KRTAP4-11: variants seen among roughly 807,000 people sequenced by gnomAD.
KRTAP4-11 encodes keratin-associated protein 4-11.
A neutral mutation model predicts 3.4 loss-of-function variants in KRTAP4-11; 3 were observed. That is an observed-to-expected ratio of 0.87 (90% CI 0.40 to 2.26). KRTAP4-11 has a LOEUF of 2.26. Among genes scored for constraint, KRTAP4-11 ranks in the 30% most tolerant of loss-of-function variants. The pLI is 0.05. For synonymous variants in KRTAP4-11, 94 were observed against 89.4 expected, an observed-to-expected ratio of 1.05 and a Z score of -0.29; for missense variants, 248 against 258.8, an observed-to-expected ratio of 0.96 and a Z score of 0.29.
Position 41,118,015 on chromosome 17 carries a change from G to C in KRTAP4-11, c.301C>G (p.Arg101Gly). 1 of 1,474,290 alleles carries C rather than the reference G, an allele frequency of 6.8e-7. No individual in the cohort carries two copies. Among genetic ancestry groups the C allele is most frequent in the Non-Finnish European group, 9.1e-7 (1 of 1,101,474 alleles). 91.3% of individuals were successfully genotyped at this position (1,474,290 alleles called of 1,614,324 possible). The change falls in exon 1 of 1, where the codon CGC (arginine) becomes GGC (glycine). Residue 101 changes from arginine (R) to glycine (G), a missense_variant. Physicochemically the swap from Arg to Gly is moderately radical, Grantham distance 125. Around this residue, in one of 3 missense-constraint regions of KRTAP4-11, gnomAD observed 131 missense variants for 130.2 expected, o/e 1.01. Coordinates refer to ENST00000391413, the MANE Select transcript of KRTAP4-11 (RefSeq NM_033059.4). ...QSMCCQPTCC[R>G]PRCCISSCCR... Reference sequence around the variant, plus strand: ...CAGCTGGAGATGCAGCATCTGGGGCGGCAGCAAGTGGGCTGGCAGCACATA... The same window carrying C: ...CAGCTGGAGATGCAGCATCTGGGGCCGCAGCAAGTGGGCTGGCAGCACATA...
Position 41,117,952 on chromosome 17 carries a change from G to T in KRTAP4-11, c.364C>A (p.Pro122Thr), listed in dbSNP as rs749844773. Residue 122 changes from proline (P) to threonine (T), a missense_variant, in exon 1 of 1, where the codon CCC becomes ACC. By Grantham distance (38) the Pro-to-Thr change is conservative. Transcript: ENST00000391413. ...CAGCACACAGACTGGCAGCACTGGGGTCTGCAGCAGCTGGACACACAGCAG... is the reference window on the plus strand; with the variant it reads ...CAGCACACAGACTGGCAGCACTGGGTTCTGCAGCAGCTGGACACACAGCAG... ...PSCCVSSCCR[P>T]QCCQSVCCQP... 17 of 1,530,928 alleles carry T rather than the reference G, an allele frequency of 1.1e-5. No individual in the cohort carries two copies. Among genetic ancestry groups the T allele is most frequent in the East Asian group, 4.7e-5 (2 of 42,118 alleles). The allele number at this position is 1,530,928 out of a possible 1,614,324, so 94.8% of individuals were successfully genotyped here. A position where few individuals can be genotyped will look rare whatever the true frequency, so the allele number is the denominator to read the frequency against.
At position 41,117,708 on chromosome 17, in the gene KRTAP4-11, G is replaced by C. The variant is rs1258825840; in HGVS notation, c.*20C>G. ...ACTGTGGGCCTGCAGTGAAGGGAGA[G>C]ATGAGCCAGGGCAGTGGGCTCAGCA... On this transcript the variant is annotated 3_prime_UTR_variant, in exon 1 of 1. Transcript: ENST00000391413. 1.3e-6 allele frequency: 2 copies of C among 1,560,872 alleles called. No homozygotes were observed. Among genetic ancestry groups the C allele is most frequent in the Admixed American group, 1.9e-5 (1 of 51,854 alleles).
In KRTAP4-11 at chr17:41,118,167, C is replaced by T. The variant is rs2014325249; in HGVS notation, c.149G>A (p.Cys50Tyr). The T allele has an allele frequency of 5.0e-6, 8 of 1,611,558 alleles. No homozygotes were observed. Among genetic ancestry groups the T allele is most frequent in the Non-Finnish European group, 6.8e-6 (8 of 1,178,380 alleles). ...CRPSCCVSSC[C>Y]RPQCCQSVCC... The stretch of plus-strand genomic sequence containing the variant: ...CACAGACTGGCAGCACTGGGGCCTG[C>T]AGCAGCTGGACACACAGCAGCTGGG... The change falls in exon 1 of 1, where the codon TGC (cysteine) becomes TAC (tyrosine). Residue 50 changes from cysteine to tyrosine, a missense_variant. Coordinates refer to ENST00000391413, the MANE Select transcript of KRTAP4-11 (RefSeq NM_033059.4).
In KRTAP4-11 at chr17:41,117,347, G is replaced by A. The variant is rs2014298677; in HGVS notation, c.*381C>T. ...AGCCTCCTACCTTTCCAAGAGAAAAGAATGACTGAAAGGCTGACAGACAAA... is the reference window on the plus strand; with the variant it reads ...AGCCTCCTACCTTTCCAAGAGAAAAAAATGACTGAAAGGCTGACAGACAAA... On this transcript the variant is annotated 3_prime_UTR_variant, in exon 1 of 1. Coordinates refer to ENST00000391413, the MANE Select transcript of KRTAP4-11 (RefSeq NM_033059.4). 3.7e-6 allele frequency: 1 copy of A among 267,726 alleles called. No homozygotes were observed. The highest frequency in any genetic ancestry group is 7.6e-5 in the East Asian group (1 of 13,220). 16.6% of individuals were successfully genotyped at this position (267,726 alleles called of 1,614,324 possible). A position where few individuals can be genotyped will look rare whatever the true frequency, so the allele number is the denominator to read the frequency against.
At position 41,117,573 on chromosome 17, in the gene KRTAP4-11, A is replaced by T. The variant is rs2014303520; in HGVS notation, c.*155T>A. The T allele has an allele frequency of 8.2e-7, 1 of 1,224,034 alleles. No individual in the cohort carries two copies. The highest frequency in any genetic ancestry group is 1.5e-5 in the African/African-American group (1 of 64,914). The allele number at this position is 1,224,034 out of a possible 1,614,324, so 75.8% of individuals were successfully genotyped here. A position where few individuals can be genotyped will look rare whatever the true frequency, so the allele number is the denominator to read the frequency against. ...TTAAAATGAACCAGAATGTTCTCAC[A>T]GAGTCAGTGGGATGGTGATGGGCTC... On this transcript the variant is annotated 3_prime_UTR_variant, in exon 1 of 1. Coordinates refer to ENST00000391413, the MANE Select transcript of KRTAP4-11 (RefSeq NM_033059.4).
Position 41,117,407 on chromosome 17 carries a change from C to A in KRTAP4-11, c.*321G>T. The A allele has an allele frequency of 2.1e-6, 1 of 477,442 alleles. No homozygotes were observed. Among genetic ancestry groups the A allele is most frequent in the Non-Finnish European group, 3.7e-6 (1 of 270,130 alleles). The allele number at this position is 477,442 out of a possible 1,614,324, so 29.6% of individuals were successfully genotyped here. A position where few individuals can be genotyped will look rare whatever the true frequency, so the allele number is the denominator to read the frequency against. On this transcript the variant is annotated 3_prime_UTR_variant, in exon 1 of 1. Transcript: ENST00000391413. The stretch of plus-strand genomic sequence containing the variant: ...TGAAATGGAGATAATGTGTACCTCA[C>A]TGGGAAGGATATTCTGTAGGCTCAA...
rs80129796 is a variant in KRTAP4-11 at position 41,117,768 on chromosome 17, C to T, written c.548G>A (p.Ser183Asn). ...GGCACAGCACAAGGGGCGGGGGCAG[C>T]TGGAGATGACACAGGTTGGGCGATA... ...TCYRPTCVISSCPRPLCCASS... is the reference protein window; with the variant it reads ...TCYRPTCVISNCPRPLCCASS... Residue 183 changes from serine (S) to asparagine (N), a missense_variant, in exon 1 of 1, where the codon AGC (serine) becomes AAC (asparagine). Transcript: ENST00000391413. 6.5e-7 allele frequency: 1 copy of T among 1,529,704 alleles called. No individual in the cohort carries two copies. Among genetic ancestry groups the T allele is most frequent in the Non-Finnish European group, 8.8e-7 (1 of 1,135,740 alleles). The allele number at this position is 1,529,704 out of a possible 1,614,324, so 94.8% of individuals were successfully genotyped here.
rs2014323640 is a variant in KRTAP4-11 at position 41,118,119 on chromosome 17, CGGCAGCAGGTGGGCT to C, written c.182_196del (p.Gln61_Cys65del). 1 of 1,572,146 alleles carries C rather than the reference CGGCAGCAGGTGGGCT, an allele frequency of 6.4e-7. No individual in the cohort carries two copies. The highest frequency in any genetic ancestry group is 1.5e-5 in the African/African-American group (1 of 66,292). On this transcript the variant is annotated inframe_deletion, in exon 1 of 1. Transcript: ENST00000391413. ...GCAGCTGGAGATGCAGCATCTGGGGCGGCAGCAGGTGGGCTGGCAGCACACAGACTGGCAGCACTG... is the reference window on the plus strand; with the variant it reads ...GCAGCTGGAGATGCAGCATCTGGGGCGGCAGCACACAGACTGGCAGCACTG...
At position 41,117,743 on chromosome 17, in the gene KRTAP4-11, G is replaced by A; in HGVS notation, c.573C>T (p.Ala191=). Residue 191 remains alanine, a synonymous_variant, in exon 1 of 1, where the codon GCC becomes GCT. Transcript: ENST00000391413. ...GGCAGTGGGCTCAGCAGCAAGAGGA[G>A]GCACAGCACAAGGGGCGGGGGCAGC... is the stretch of plus-strand genomic sequence containing the variant. The part of the protein sequence containing the change: ...ISSCPRPLCC[A]SSCC 1 of 1,584,344 alleles carries A rather than the reference G, an allele frequency of 6.3e-7. No homozygotes were observed. The highest frequency in any genetic ancestry group is 1.1e-5 in the South Asian group (1 of 87,406).
In KRTAP4-11 at chr17:41,117,696, A is replaced by C. The variant is rs766322572; in HGVS notation, c.*32T>G. 6.5e-7 allele frequency: 1 copy of C among 1,546,224 alleles called. No individual in the cohort carries two copies. The highest frequency in any genetic ancestry group is 8.7e-7 in the Non-Finnish European group (1 of 1,146,690). ...GAATGGTCTACAACTGTGGGCCTGC[A>C]GTGAAGGGAGAGATGAGCCAGGGCA... On this transcript the variant is annotated 3_prime_UTR_variant, in exon 1 of 1. Transcript: ENST00000391413.
rs751636884 is a variant in KRTAP4-11, at chr17:41,118,302, C to G, written c.14G>C (p.Cys5Ser). The G allele has an allele frequency of 1.2e-6, 2 of 1,603,546 alleles. No homozygotes were observed. The highest frequency in any genetic ancestry group is 1.7e-5 in the Admixed American group (1 of 59,650). The change falls in exon 1 of 1, where the codon TGT (cysteine) becomes TCT (serine). Residue 5 changes from cysteine to serine, a missense_variant. By Grantham distance (112) the Cys-to-Ser change is moderately radical (BLOSUM62 -1). Transcript: ENST00000391413. MVNS[C>S]CGSVCSHQGC... is the part of the protein sequence containing the mutation. ...TTGGTGAGAGCACACGGAGCCACAA[C>G]AGGAGTTTACCATGGTGTCAGAGGG...
rs754184825 is a variant in KRTAP4-11 at position 41,117,842 on chromosome 17, G to T, written c.474C>A (p.Cys158Ter). The T allele has an allele frequency of 6.8e-6, 11 of 1,608,228 alleles. No homozygotes were observed. In the South Asian group the frequency reaches 1.2e-4, roughly 18 times the overall value. ...SCCESSCCRPCCCLRPVCGRV... is the reference protein window; with the variant it reads ...SCCESSCCRP ...GGCCACAGACTGGACGCAGGCAGCA[G>T]CAGGGGCGGCAGCAGCTGGATTCAC... Residue 158 changes from cysteine to a stop codon, truncating the protein, a stop_gained, in exon 1 of 1, where the codon TGC becomes TGA. Transcript: ENST00000391413. LOFTEE classifies it high-confidence loss of function.
In KRTAP4-11 at chr17:41,118,101, G is replaced by A. The variant is rs58605568; in HGVS notation, c.215C>T (p.Ser72Phe). 13 of 1,584,872 alleles carry A rather than the reference G, an allele frequency of 8.2e-6. No individual in the cohort carries two copies. The highest frequency in any genetic ancestry group is 1.5e-5 in the African/African-American group (1 of 67,692). ...ACAGCAGCTGGGGCGACAGCAGCTG[G>A]AGATGCAGCATCTGGGGCGGCAGCA... ...PTCCRPRCCI[S>F]SCCRPSCCVS... The change falls in exon 1 of 1, where the codon TCC becomes TTC. Residue 72 changes from serine to phenylalanine, a missense_variant. Coordinates refer to ENST00000391413, the MANE Select transcript of KRTAP4-11 (RefSeq NM_033059.4).
Position 41,117,323 on chromosome 17 carries a change from G to C in KRTAP4-11, c.*405C>G. 1 of 230,132 alleles carries C rather than the reference G, an allele frequency of 4.3e-6. No individual in the cohort carries two copies. The highest frequency in any genetic ancestry group is 1.6e-3 in the Middle Eastern group (1 of 628). 14.3% of individuals were successfully genotyped at this position (230,132 alleles called of 1,614,324 possible). A position where few individuals can be genotyped will look rare whatever the true frequency, so the allele number is the denominator to read the frequency against. ...AAAGCAGGAGAGCATGGGAGGGGCA[G>C]CCTCCTACCTTTCCAAGAGAAAAGA... On this transcript the variant is annotated 3_prime_UTR_variant, in exon 1 of 1. Transcript: ENST00000391413.
Position 41,117,977 on chromosome 17 carries a change from G to A in KRTAP4-11, c.339C>T (p.Ser113=). The change falls in exon 1 of 1, where the codon AGC becomes AGT. Residue 113 remains serine, a synonymous_variant. Coordinates refer to ENST00000391413, the MANE Select transcript of KRTAP4-11 (RefSeq NM_033059.4). ...RCCISSCCRP[S]CCVSSCCRPQ... Reference sequence around the variant, plus strand: ...GTCTGCAGCAGCTGGACACACAGCAGCTGGGGCGACAGCAGCTGGAGATGC... The same window carrying A: ...GTCTGCAGCAGCTGGACACACAGCAACTGGGGCGACAGCAGCTGGAGATGC... The A allele has an allele frequency of 1.3e-6, 2 of 1,495,498 alleles. No homozygotes were observed. Among genetic ancestry groups the A allele is most frequent in the Non-Finnish European group, 1.8e-6 (2 of 1,112,918 alleles). The allele number at this position is 1,495,498 out of a possible 1,614,324, so 92.6% of individuals were successfully genotyped here.
In KRTAP4-11 at chr17:41,117,764, G is replaced by T; in HGVS notation, c.552C>A (p.Cys184Ter). 1 of 1,551,664 alleles carries T rather than the reference G, an allele frequency of 6.4e-7. No individual in the cohort carries two copies. The highest frequency in any genetic ancestry group is 8.7e-7 in the Non-Finnish European group (1 of 1,148,714). The change falls in exon 1 of 1, where the codon TGC becomes TGA. Residue 184 changes from cysteine (C) to a stop codon, truncating the protein, a stop_gained. Coordinates refer to ENST00000391413, the MANE Select transcript of KRTAP4-11 (RefSeq NM_033059.4). LOFTEE classifies it high-confidence loss of function. ...CYRPTCVISS[C>*]PRPLCCASSC... ...AGGAGGCACAGCACAAGGGGCGGGGGCAGCTGGAGATGACACAGGTTGGGC... is the reference window on the plus strand; with the variant it reads ...AGGAGGCACAGCACAAGGGGCGGGGTCAGCTGGAGATGACACAGGTTGGGC...
In KRTAP4-11 at chr17:41,117,920, G is replaced by A. The variant is rs1445805627; in HGVS notation, c.396C>T (p.Pro132=). ...TGCTGCAGCTGGGGTGGCAGCAGGT[G>A]GGCTGGCAGCACACAGACTGGCAGC... ...PQCCQSVCCQ[P]TCCHPSCSIS... The change falls in exon 1 of 1, where the codon CCC becomes CCT. Residue 132 remains proline (P), a synonymous_variant. Coordinates refer to ENST00000391413, the MANE Select transcript of KRTAP4-11 (RefSeq NM_033059.4). 1.9e-6 allele frequency: 3 copies of A among 1,602,100 alleles called. No individual in the cohort carries two copies. The highest frequency in any genetic ancestry group is 2.7e-5 in the African/African-American group (2 of 73,386).
In KRTAP4-11 at chr17:41,117,320, G is replaced by T; in HGVS notation, c.*408C>A. On this transcript the variant is annotated 3_prime_UTR_variant, in exon 1 of 1. Coordinates refer to ENST00000391413, the MANE Select transcript of KRTAP4-11 (RefSeq NM_033059.4). ...GAGAAAGCAGGAGAGCATGGGAGGG[G>T]CAGCCTCCTACCTTTCCAAGAGAAA... 4.5e-6 allele frequency: 1 copy of T among 222,278 alleles called. No homozygotes were observed. The highest frequency in any genetic ancestry group is 5.1e-5 in the Admixed American group (1 of 19,754). The allele number at this position is 222,278 out of a possible 1,614,324, so 13.8% of individuals were successfully genotyped here.
At position 41,118,215 on chromosome 17, in the gene KRTAP4-11, C is replaced by T. The variant is rs556411870; in HGVS notation, c.101G>A (p.Cys34Tyr). 57 of 1,609,824 alleles carry T rather than the reference C, an allele frequency of 3.5e-5. 1 individual carries two copies. The African/African-American group carries it at 7.6e-4, about 22-fold the overall frequency. The change falls in exon 1 of 1, where the codon TGC becomes TAC. Residue 34 changes from cysteine to tyrosine, a missense_variant. Around this residue, in one of 3 missense-constraint regions of KRTAP4-11, gnomAD observed 110 missense variants for 102.8 expected, o/e 1.07. Coordinates refer to ENST00000391413, the MANE Select transcript of KRTAP4-11 (RefSeq NM_033059.4). ...GGGGCGACAGTAGGTGGTCCTGCAG[C>T]AGGTGGTCTCACAGCAGCTGGGGCG... The part of the protein sequence containing the change: ...CCRPSCCETT[C>Y]CRTTYCRPSC...
Sources: allele counts gnomAD v4.1 joint callset, GRCh38; gene constraint gnomAD v4.1.1; regional missense constraint gnomAD v4.1.1; transcripts MANE v1.5; gene names NCBI Gene and HGNC (gene_info 2026-07-23, HGNC 2026-07-21).